The following LINGO1 variants were observed in gnomAD, a reference collection of about 807,000 sequenced individuals.
The protein encoded by LINGO1 is leucine-rich repeat and immunoglobulin-like domain-containing nogo receptor-interacting protein 1.
Under a neutral mutation model 37.3 loss-of-function variants are expected in LINGO1, and 11 were observed. The ratio of observed to expected loss-of-function variants is 0.29; its 90% CI spans 0.19 to 0.49. The LOEUF (loss-of-function observed/expected upper bound fraction) is 0.49. Ranked by LOEUF, LINGO1 falls within the 20% of genes least tolerant of loss-of-function variation. The pLI is 0.99. For missense variants in LINGO1, 585 were observed against 878.2 expected, an observed-to-expected ratio of 0.67 and a Z score of 4.22; for synonymous variants, 387 against 403.0, an observed-to-expected ratio of 0.96 and a Z score of 0.48.
At chr15:77,785,032 G>C (rs2076757728) in intron 1 of LINGO1, 1 of 152,284 alleles carries the variant, frequency 6.6e-6, no homozygotes, top group Non-Finnish European at 1.5e-5. Flanking sequence ...GATGTGTGGA[G>C]TTCGATTTGA....
chr15:77,723,883 C>T (rs551530307), intron 2 of LINGO1, among the ~76,000 whole-genome samples: 16 of 151,998 alleles, frequency 1.1e-4, no homozygotes, highest in South Asian at 6.2e-4. Context: ...AGTCGGGGCG[C>T]GGGGGCGGGA....
At chr15:77,777,213 C>T (rs1397417511) in intron 1 of LINGO1, among the ~76,000 whole-genome samples, 1 of 152,162 alleles carries the variant, frequency 6.6e-6, no homozygotes, top group African/African-American at 2.4e-5. Flanking sequence ...GTGCGGTCAA[C>T]CAGCCAGTGG....
rs144812101 is a variant in LINGO1 at position 77,764,179 on chromosome 15, C to T, written c.-257+22690G>A. On this transcript the variant is annotated intron_variant, in intron 1 of 3. Coordinates refer to the LINGO1 transcript ENST00000561686. The stretch of plus-strand genomic sequence containing the variant: ...TCCCCACTCCGTCTGCGTTCATGCC[C>T]ACCATATGTGCACCTGGGATGCCTG... 2.4e-4 allele frequency among the ~76,000 whole-genome samples: 37 copies of T among 152,338 alleles called. No homozygotes were observed. The East Asian group carries it at 3.1e-3, about 13-fold the overall frequency.
chr15:77,648,920 G>T (rs2074697289), intron 3 of LINGO1: 1 of 152,326 alleles, frequency 6.6e-6, no homozygotes, highest in African/African-American at 2.4e-5. Flanking sequence ...CCAGGCCTTG[G>T]TCTCAAACCT....
intron 1 of LINGO1, among the ~76,000 whole-genome samples, chr15:77,810,783 C>T (rs1432430554): frequency 1.3e-5 from 2 of 152,202 alleles, no homozygotes; most frequent in Admixed American, 6.5e-5. Context: ...GGAGGAATCA[C>T]CCTAACCCCA....
At chr15:77,804,535 C>G (rs7164311) in intron 1 of LINGO1, among the ~76,000 whole-genome samples, 12,233 of 152,234 alleles carry the variant, frequency 0.08, 525 homozygotes, top group Middle Eastern at 0.14. Flanking sequence ...GAGCGACAAC[C>G]CTGAGTCTCA....
intron 2 of LINGO1, among the ~76,000 whole-genome samples, chr15:77,725,631 A>C (rs1567549132): frequency 6.6e-6 from 1 of 152,176 alleles, no homozygotes; most frequent in East Asian, 1.9e-4. Context: ...GAAAGGTACA[A>C]TGGTTATTTT....
upstream of LINGO1, among the ~76,000 whole-genome samples, chr15:77,633,660 C>A (rs1036839607): frequency 6.6e-6 from 1 of 152,204 alleles, no homozygotes; most frequent in Non-Finnish European, 1.5e-5. Flanking sequence ...GCCCTGCACC[C>A]AGTGGCCAGC....
At chr15:77,658,213 G>A (rs570805383) in intron 3 of LINGO1, among the ~76,000 whole-genome samples, 2 of 152,298 alleles carry the variant, frequency 1.3e-5, no homozygotes, top group South Asian at 4.1e-4. Context: ...CCTTCACACC[G>A]AGCTGGGCAG....
chr15:77,661,085 C>T (rs780656421), intron 3 of LINGO1, among the ~76,000 whole-genome samples: 4 of 149,910 alleles, frequency 2.7e-5, no homozygotes, highest in African/African-American at 7.4e-5. Context: ...TGGGCAAAGG[C>T]GAGCCGATTT....
intron 1 of LINGO1, among the ~76,000 whole-genome samples, chr15:77,796,470 C>A (rs954539336): frequency 3.2e-4 from 49 of 152,212 alleles, no homozygotes; most frequent in African/African-American, 1.1e-3. Flanking sequence ...AAGAAAAATA[C>A]CATCTCTCCT....
At chr15:77,616,660 C>T (rs1404026796) in intron 1 of LINGO1, among the ~76,000 whole-genome samples, 1 of 152,190 alleles carries the variant, frequency 6.6e-6, no homozygotes, top group African/African-American at 2.4e-5. Context: ...AGCCTGGACT[C>T]CTGGTGGGAT....
At chr15:77,640,321 G>A (rs558674552) in intron 3 of LINGO1, among the ~76,000 whole-genome samples, 2 of 152,330 alleles carry the variant, frequency 1.3e-5, no homozygotes, top group African/African-American at 2.4e-5. Context: ...AAGTGTGGAC[G>A]AGAGAAGGCG....
At chr15:77,738,858 G>A (rs530058423) in intron 1 of LINGO1, among the ~76,000 whole-genome samples, 3 of 152,198 alleles carry the variant, frequency 2.0e-5, no homozygotes, top group Admixed American at 6.5e-5. Flanking sequence ...ACCAGACTCC[G>A]AAGCCTGTGT....
At chr15:77,712,831 A>T (rs938811864) in intron 2 of LINGO1, among the ~76,000 whole-genome samples, 1 of 152,138 alleles carries the variant, frequency 6.6e-6, no homozygotes, top group African/African-American at 2.4e-5. Context: ...CGCTGCTGTT[A>T]AAGGTTAATG....
intron 2 of LINGO1, among the ~76,000 whole-genome samples, chr15:77,729,818 A>C (rs1567551284): frequency 6.6e-6 from 1 of 152,168 alleles, no homozygotes; most frequent in Non-Finnish European, 1.5e-5. Flanking sequence ...TATTCAGCCC[A>C]AGATTGGACC....
At chr15:77,757,507 C>T (rs903586919) in intron 1 of LINGO1, among the ~76,000 whole-genome samples, 7 of 152,188 alleles carry the variant, frequency 4.6e-5, no homozygotes, top group Non-Finnish European at 8.8e-5. Flanking sequence ...CTTCATTGGT[C>T]GATGGGGATA....
chr15:77,776,488 A>AGCAGGAAAGCAGGAAGGCAGGAAG (rs2076646752), intron 1 of LINGO1, among the ~76,000 whole-genome samples: 2 of 90,636 alleles, frequency 2.2e-5, no homozygotes, highest in African/African-American at 9.9e-5. Context: ...AAGGCAGGAA[A>AGCAGGAAAGCAGGAAGGCAGGAAG]GCAGGAAGGC....
chr15:77,794,763 A>AT (rs1046919361), intron 2 of LINGO1, among the ~76,000 whole-genome samples: 5 of 150,630 alleles, frequency 3.3e-5, no homozygotes, highest in East Asian at 3.9e-4. Flanking sequence ...AATTTTTTGT[A>AT]TTTTTTTTAG....
Sources: gnomAD v4.1 joint callset for allele counts (sites outside exome capture counted in the v4.1 genomes callset) on GRCh38, gnomAD v4.1.1 for gene constraint, MANE v1.5 for transcripts, NCBI Gene and HGNC (gene_info 2026-07-23, HGNC 2026-07-21) for gene names.